The following RAPGEF1 variants were observed in gnomAD, a reference collection of about 807,000 sequenced individuals.
RAPGEF1 encodes CRK SH3-binding GNRP.
In RAPGEF1, 33 loss-of-function variants were observed where a neutral mutation model predicts 143.3. The observed-to-expected ratio is 0.23, with a 90% CI of 0.17 to 0.31. The LOEUF (loss-of-function observed/expected upper bound fraction) is 0.31, where lower values mean the gene tolerates loss of function less well. RAPGEF1 is among the 10% of genes least tolerant of loss of function. The pLI, the probability that RAPGEF1 is intolerant of heterozygous loss-of-function variation, is 1.00. For synonymous variants in RAPGEF1, 629 were observed against 676.5 expected, an observed-to-expected ratio of 0.93 and a Z score of 1.09; for missense variants, 1,199 against 1,645.4, an observed-to-expected ratio of 0.73 and a Z score of 4.69.
intron 18 of RAPGEF1, 27 bp from the exon 19 acceptor site, chr9:131,590,005 A>G: frequency 6.2e-7 from 1 of 1,601,450 alleles, no homozygotes; most frequent in South Asian, 1.1e-5. Context: ...AGAAATAGCC[A>G]TGTGGTCGGC....
chr9:131,653,805 T>G (rs1235086438), intron 1 of RAPGEF1, among the ~76,000 whole-genome samples: 1 of 152,204 alleles, frequency 6.6e-6, no homozygotes, highest in African/African-American at 2.4e-5. Context: ...CCTAAATCCA[T>G]GAGACTTGTA....
chr9:131,626,587 G>C (rs769038684), intron 9 of RAPGEF1, among the ~76,000 whole-genome samples, 165 bp from the exon 10 acceptor site: 3 of 151,958 alleles, frequency 2.0e-5, no homozygotes, highest in Non-Finnish European at 2.9e-5. Flanking sequence ...TCTTCTCCCT[G>C]ATTATAAAAG....
chr9:131,629,000 GC>G lies in RAPGEF1; in HGVS notation c.893+101del. On this transcript the variant is annotated intron_variant, in intron 7 of 26. Transcript: ENST00000683357. This position sits in a 1 kb window ranked among gnomAD's most constrained non-coding sequence, Gnocchi z 5.7. The stretch of plus-strand genomic sequence containing the variant: ...CTCCAGAGTCAGCCTCCCAAGGGGG[GC>G]CAAGCCCTCAGCGCTGAGGGGAAAG... 1 of 1,440,662 alleles carries G rather than the reference GC, an allele frequency of 6.9e-7. No individual in the cohort carries two copies. The highest frequency in any genetic ancestry group is 1.4e-5 in the South Asian group (1 of 72,418). The allele number at this position is 1,440,662 out of a possible 1,614,324, so 89.2% of individuals were successfully genotyped here.
chr9:131,605,319 G>A (rs745901148), intron 12 of RAPGEF1, 131 bp from the exon 13 acceptor site: 8 of 835,234 alleles, frequency 9.6e-6, no homozygotes, highest in South Asian at 5.2e-5. Flanking sequence ...CACCAATCAC[G>A]CCAAGCAACC....
intron 1 of RAPGEF1, among the ~76,000 whole-genome samples, chr9:131,697,638 C>T (rs1425263687): frequency 6.6e-6 from 1 of 152,224 alleles, no homozygotes; most frequent in Non-Finnish European, 1.5e-5. Flanking sequence ...TCTCACTCTC[C>T]CTGAATGGCC....
intron 1 of RAPGEF1, chr9:131,709,631 G>T: frequency 6.2e-7 from 1 of 1,613,898 alleles, no homozygotes; most frequent in Non-Finnish European, 8.5e-7. Flanking sequence ...TTGTTTCCAG[G>T]GGTACAGATG....
chr9:131,715,966 G>A (rs959385799), intron 1 of RAPGEF1, among the ~76,000 whole-genome samples: 3 of 151,836 alleles, frequency 2.0e-5, no homozygotes, highest in Non-Finnish European at 4.4e-5. Flanking sequence ...CCTTTCACAG[G>A]AGGCTAGAGG....
chr9:131,610,260 T>C (rs1957828683), intron 12 of RAPGEF1, among the ~76,000 whole-genome samples: 1 of 152,184 alleles, frequency 6.6e-6, no homozygotes, highest in Admixed American at 6.5e-5. Context: ...ACTTAATTCC[T>C]CTGCTGATCA....
At chr9:131,590,655 C>T (rs1278666777) in intron 18 of RAPGEF1, among the ~76,000 whole-genome samples, 1 of 152,266 alleles carries the variant, frequency 6.6e-6, no homozygotes, top group African/African-American at 2.4e-5. Context: ...CTGACACCCT[C>T]CTGCCTGCTC....
chr9:131,692,679 T>A (rs541531644), intron 1 of RAPGEF1, among the ~76,000 whole-genome samples: 1 of 152,338 alleles, frequency 6.6e-6, no homozygotes, highest in South Asian at 2.1e-4. Context: ...CTCTGACTCC[T>A]CTTGATTTTT....
chr9:131,739,707 G>A (rs1837631607), intron 1 of RAPGEF1, 63 bp downstream of exon 1: 1 of 1,028,144 alleles, frequency 9.7e-7, no homozygotes, highest in South Asian at 4.0e-5. Context: ...GCTCGGCCCG[G>A]GGAGCGGCGG....
At position 131,628,343 on chromosome 9, in the gene RAPGEF1, C is replaced by G. The variant is rs2296954; in HGVS notation, c.1017+206G>C. ...TATCCCCAGGAGACGCCCTTTGGCT[C>G]TGCCCTCCCTGCCCTGACCCTTATC... On this transcript the variant is annotated intron_variant, in intron 8 of 26. Coordinates refer to ENST00000683357, the MANE Select transcript of RAPGEF1 (RefSeq NM_001377935.1). The surrounding 1 kb of genome is among the most constrained non-coding windows in gnomAD (Gnocchi z 5.7). Among the ~76,000 whole-genome samples the G allele has an allele frequency of 0.24, 36,631 of 152,136 alleles. 5,762 individuals carry two copies. The highest frequency in any genetic ancestry group is 0.44 in the African/African-American group (18,411 of 41,488).
chr9:131,704,556 T>A (rs1427236999), intron 1 of RAPGEF1, among the ~76,000 whole-genome samples: 1 of 151,970 alleles, frequency 6.6e-6, no homozygotes, highest in East Asian at 1.9e-4. Context: ...AACATGCAAA[T>A]CATTAACATT....
At position 131,578,989 on chromosome 9, in the gene RAPGEF1, G is replaced by C. The variant is rs1470973058; in HGVS notation, c.*508C>G. The stretch of plus-strand genomic sequence containing the variant: ...GGAAAGTGAAAGGATCCTCCCCCGA[G>C]TCTACTCTGCATTCTGCCCACCCAG... On this transcript the variant is annotated 3_prime_UTR_variant, in exon 27 of 27. Transcript: ENST00000683357. The C allele has an allele frequency of 1.3e-5, 2 of 155,280 alleles. No homozygotes were observed. Among genetic ancestry groups the C allele is most frequent in the Non-Finnish European group, 2.9e-5 (2 of 70,028 alleles). The allele number at this position is 155,280 out of a possible 1,614,324, so 9.6% of individuals were successfully genotyped here. A position where few individuals can be genotyped will look rare whatever the true frequency, so the allele number is the denominator to read the frequency against.
At chr9:131,629,022 GA>G in intron 7 of RAPGEF1, 79 bp downstream of exon 7, 1 of 1,533,894 alleles carries the variant, frequency 6.5e-7, no homozygotes. Context: ...GCGCTGAGGG[GA>G]AAGGGCCCGA....
Position 131,628,198 on chromosome 9 carries a change from GC to G in RAPGEF1, c.1018-103del. ...GCATTTACTTAGAGAAGGAAATACT[GC>G]CAGGCGAACTCAGAAACCACCTCTG... is the stretch of plus-strand genomic sequence containing the variant. On this transcript the variant is annotated intron_variant, in intron 8 of 26. Transcript: ENST00000683357. This position sits in a 1 kb window ranked among gnomAD's most constrained non-coding sequence, Gnocchi z 5.7. The G allele has an allele frequency of 8.7e-7, 1 of 1,143,016 alleles. No homozygotes were observed. The highest frequency in any genetic ancestry group is 1.2e-6 in the Non-Finnish European group (1 of 832,424). The allele number at this position is 1,143,016 out of a possible 1,614,324, so 70.8% of individuals were successfully genotyped here.
At chr9:131,734,537 G>C (rs1044314008) in intron 1 of RAPGEF1, among the ~76,000 whole-genome samples, 1 of 152,216 alleles carries the variant, frequency 6.6e-6, no homozygotes, top group African/African-American at 2.4e-5. Context: ...AAACGGGTGA[G>C]TGAAAGGAGG....
chr9:131,672,456 A>C lies in RAPGEF1; in HGVS notation c.62-21507T>G, dbSNP rs562245957. Among the ~76,000 whole-genome samples, 3 of 152,320 alleles carry C rather than the reference A, an allele frequency of 2.0e-5. 1 individual carries two copies. The highest frequency in any genetic ancestry group is 6.5e-5 in the Admixed American group (1 of 15,306). On this transcript the variant is annotated intron_variant, in intron 1 of 26. Coordinates refer to ENST00000683357, the MANE Select transcript of RAPGEF1 (RefSeq NM_001377935.1). ...GATGCCAGCTCTTTAGCCCTGGTGCAAACCTAAGAATCTGATGAACTGGGG... is the reference window on the plus strand; with the variant it reads ...GATGCCAGCTCTTTAGCCCTGGTGCCAACCTAAGAATCTGATGAACTGGGG...
intron 1 of RAPGEF1, among the ~76,000 whole-genome samples, chr9:131,686,824 C>T (rs927997791): frequency 5.9e-5 from 9 of 152,150 alleles, no homozygotes; most frequent in African/African-American, 1.4e-4. Context: ...AGTAAGAAAC[C>T]GGGTTTCAGT....
Sources: gnomAD v4.1 joint callset for allele counts (sites outside exome capture counted in the v4.1 genomes callset) on GRCh38, gnomAD v4.1.1 for gene constraint, Gnocchi (gnomAD v3.1) non-coding constraint, MANE v1.5 for transcripts, NCBI Gene and HGNC (gene_info 2026-07-23, HGNC 2026-07-21) for gene names.